STK33: variants seen among roughly 807,000 people sequenced by gnomAD.
The protein encoded by STK33 is serine/threonine-protein kinase 33.
STK33 carries 52 observed loss-of-function variants against 58.0 expected under a neutral mutation model. That is an observed-to-expected ratio of 0.90 (90% CI 0.72 to 1.13). The LOEUF (loss-of-function observed/expected upper bound fraction) is 1.13. Among genes scored for constraint, STK33 ranks in the 50% most tolerant of loss-of-function variants. STK33 has a pLI of 0.00. For synonymous variants in STK33, 215 were observed against 200.1 expected, an observed-to-expected ratio of 1.07 and a Z score of -0.63; for missense variants, 630 against 604.2, an observed-to-expected ratio of 1.04 and a Z score of -0.45.
At chr11:8,415,779 T>C (rs1941030917) in intron 14 of STK33, among the ~76,000 whole-genome samples, 2 of 152,170 alleles carry the variant, frequency 1.3e-5, no homozygotes, top group African/African-American at 2.4e-5. Context: ...ACAGAACTCA[T>C]ATGCAACCAA....
intron 6 of STK33, among the ~76,000 whole-genome samples, chr11:8,471,558 T>C (rs1948783419): frequency 6.6e-6 from 1 of 152,170 alleles, no homozygotes; most frequent in South Asian, 2.1e-4. Flanking sequence ...TAATAGTAGC[T>C]ATGTAAGGGT....
chr11:8,547,181 T>C (rs1206494523), intron 1 of STK33, among the ~76,000 whole-genome samples: 1 of 152,176 alleles, frequency 6.6e-6, no homozygotes, highest in Non-Finnish European at 1.5e-5. Flanking sequence ...TTTTTTCATA[T>C]AGAGTTGGCC....
At chr11:8,458,170 G>A (rs1255551977) in intron 8 of STK33, among the ~76,000 whole-genome samples, 1 of 152,024 alleles carries the variant, frequency 6.6e-6, no homozygotes, top group African/African-American at 2.4e-5. Flanking sequence ...TGTAGAACAG[G>A]GCTCAACAAA....
At chr11:8,516,074 T>C (rs1952755815) in intron 1 of STK33, among the ~76,000 whole-genome samples, 1 of 152,150 alleles carries the variant, frequency 6.6e-6, no homozygotes, top group Non-Finnish European at 1.5e-5. Context: ...AAAATTCACA[T>C]GCAACCACAA....
chr11:8,398,713 A>G lies in STK33; in HGVS notation c.1345-6003T>C, dbSNP rs112635077. On this transcript the variant is annotated intron_variant, in intron 15 of 15. Transcript: ENST00000687296. ...TCCATCAGTGTGCTGTATTCAGGAA[A>G]CTCATCTCACGTGCAGAGACACACA... 7.2e-5 allele frequency among the ~76,000 whole-genome samples: 11 copies of G among 151,750 alleles called. 1 individual carries two copies. Among genetic ancestry groups the G allele is most frequent in the African/African-American group, 2.7e-4 (11 of 41,378 alleles).
At chr11:8,366,354 C>T in the STK33 span, among the ~76,000 whole-genome samples, 1 of 152,214 alleles carries the variant, frequency 6.6e-6, no homozygotes, top group Non-Finnish European at 1.5e-5. Context: ...CTCAGTCTCA[C>T]TGAAGGCCCC....
intron 15 of STK33, among the ~76,000 whole-genome samples, chr11:8,408,127 A>G (rs1939589641): frequency 6.6e-6 from 1 of 152,190 alleles, no homozygotes; most frequent in South Asian, 2.1e-4. Context: ...TTAAAGCACA[A>G]ATTATATCAT....
chr11:8,516,294 A>G (rs1031379973), intron 1 of STK33, among the ~76,000 whole-genome samples: 1 of 152,274 alleles, frequency 6.6e-6, no homozygotes, highest in African/African-American at 2.4e-5. Flanking sequence ...TGCTAAGAAT[A>G]CACAATGGAG....
intron 1 of STK33, among the ~76,000 whole-genome samples, chr11:8,499,315 G>GA (rs1226727925): frequency 1.3e-4 from 20 of 152,170 alleles, no homozygotes; most frequent in African/African-American, 4.1e-4. Context: ...CAACAAACAT[G>GA]AAAAAATCTC....
intron 14 of STK33, among the ~76,000 whole-genome samples, chr11:8,418,338 C>T (rs1187600783): frequency 6.6e-6 from 1 of 151,988 alleles, no homozygotes; most frequent in Non-Finnish European, 1.5e-5. Flanking sequence ...AGAACATGTG[C>T]TATTTGGTTT....
chr11:8,480,036 G>C (rs939535583), intron 2 of STK33, among the ~76,000 whole-genome samples: 1 of 152,104 alleles, frequency 6.6e-6, no homozygotes, highest in African/African-American at 2.4e-5. Flanking sequence ...GAAATGAGGG[G>C]ATCATATGGA....
the STK33 span, among the ~76,000 whole-genome samples, chr11:8,383,965 C>T: frequency 6.6e-6 from 1 of 152,174 alleles, no homozygotes; most frequent in South Asian, 2.1e-4. Context: ...TCTGCTCCAA[C>T]CCTTAAATCC....
intron 1 of STK33, among the ~76,000 whole-genome samples, chr11:8,575,198 G>A (rs997855742): frequency 3.3e-5 from 5 of 152,206 alleles, no homozygotes; most frequent in African/African-American, 7.2e-5. Flanking sequence ...TGGTGGCTTC[G>A]CAAAGAGCTA....
the STK33 span, among the ~76,000 whole-genome samples, chr11:8,339,064 A>G: frequency 6.6e-6 from 1 of 152,330 alleles, no homozygotes; most frequent in Non-Finnish European, 1.5e-5. Flanking sequence ...GCAGACAGAC[A>G]GATGGAAGCA....
chr11:8,497,436 G>A (rs1480293665), intron 1 of STK33, among the ~76,000 whole-genome samples: 1 of 152,134 alleles, frequency 6.6e-6, no homozygotes, highest in Non-Finnish European at 1.5e-5. Context: ...AACCATGGAG[G>A]CCAGAAGGAA....
chr11:8,360,282 G>T, the STK33 span, among the ~76,000 whole-genome samples: 1 of 152,298 alleles, frequency 6.6e-6, no homozygotes, highest in African/African-American at 2.4e-5. Flanking sequence ...TGGCTGCAGG[G>T]TCTTGTTGGG....
chr11:8,578,507 A>G (rs895415503), intron 1 of STK33, among the ~76,000 whole-genome samples: 2 of 152,000 alleles, frequency 1.3e-5, no homozygotes, highest in Non-Finnish European at 2.9e-5. Flanking sequence ...CAACATAGCA[A>G]CTACAGTATA....
intron 1 of STK33, among the ~76,000 whole-genome samples, chr11:8,505,673 C>T (rs532641153): frequency 2.0e-5 from 3 of 152,196 alleles, no homozygotes; most frequent in African/African-American, 7.2e-5. Context: ...TTCCTCAGAC[C>T]GTAAGCGCTA....
intron 14 of STK33, among the ~76,000 whole-genome samples, 170 bp from the exon 15 acceptor site, chr11:8,413,862 C>T (rs374456505): frequency 2.0e-5 from 3 of 152,192 alleles, no homozygotes; most frequent in African/African-American, 7.2e-5. Flanking sequence ...AACCCCTGTA[C>T]TCACATGGCT....
Sources: allele counts gnomAD v4.1 joint callset (sites outside exome capture counted in the v4.1 genomes callset), GRCh38; gene constraint gnomAD v4.1.1; transcripts MANE v1.5; gene names NCBI Gene and HGNC (gene_info 2026-07-23, HGNC 2026-07-21).